The following ARSG variants were observed in gnomAD, a reference collection of about 807,000 sequenced individuals.
ARSG encodes arylsulfatase G, also known as ASG.
Under a neutral mutation model 50.5 loss-of-function variants are expected in ARSG, and 37 were observed. The ratio of observed to expected loss-of-function variants is 0.73; its 90% CI spans 0.56 to 0.96. ARSG has a LOEUF of 0.96. Among genes scored for constraint, ARSG ranks in the 50% least tolerant of loss-of-function variants. ARSG has a pLI of 0.00. For synonymous variants in ARSG, 225 were observed against 254.6 expected (o/e 0.88, Z 1.11); for missense variants, 629 against 675.3 (o/e 0.93, Z 0.76).
chr17:68,271,484 G>A lies in ARSG; in HGVS notation c.-552+12058G>A, dbSNP rs1168203877. 6.2e-7 allele frequency: 1 copy of A among 1,614,034 alleles called. No individual in the cohort carries two copies. The highest frequency in any genetic ancestry group is 8.5e-7 in the Non-Finnish European group (1 of 1,180,046). On this transcript the variant is annotated intron_variant, in intron 1 of 11. Transcript: ENST00000448504. The surrounding 1 kb of genome is among the most constrained non-coding windows in gnomAD (Gnocchi z 5.3). The stretch of plus-strand genomic sequence containing the variant: ...GAGGTTCGTGTTTTCTCATTTTCAA[G>A]CATATACTGCGCTTCTTTCCGATTT...
At chr17:68,276,461 T>A (rs1432363710) in intron 1 of ARSG, among the ~76,000 whole-genome samples, 2 of 152,132 alleles carry the variant, frequency 1.3e-5, no homozygotes, top group Non-Finnish European at 2.9e-5. Context: ...ATTTTTTTTA[T>A]TTTTTGAGAT....
At chr17:68,438,757 C>T in the ARSG span, among the ~76,000 whole-genome samples, 6 of 152,262 alleles carry the variant, frequency 3.9e-5, no homozygotes, top group Middle Eastern at 3.4e-3. Flanking sequence ...TGTGCCACCA[C>T]GCCCAGCTAA....
intron 5 of ARSG, among the ~76,000 whole-genome samples, chr17:68,352,115 C>G (rs62088764): frequency 0.043 from 1,679 of 39,108 alleles, 2 homozygotes; most frequent in Middle Eastern, 0.065. Context: ...GAGAGAGAGA[C>G]AGAGGAGAGA....
At chr17:68,343,839 G>A (rs773802474) in intron 3 of ARSG, 48 bp downstream of exon 3, 26 of 1,545,990 alleles carry the variant, frequency 1.7e-5, no homozygotes, top group Admixed American at 5.8e-5. Context: ...AGTGGCAGCC[G>A]CCTTGTGTTT....
chr17:68,347,200 C>G (rs777269367), intron 4 of ARSG, 28 bp downstream of exon 4: 2 of 1,608,626 alleles, frequency 1.2e-6, no homozygotes, highest in Admixed American at 3.3e-5. Flanking sequence ...GATTTGTTAC[C>G]TGGGAAACAG....
At chr17:68,383,845 T>C (rs1250609322) in intron 8 of ARSG, among the ~76,000 whole-genome samples, 1 of 152,170 alleles carries the variant, frequency 6.6e-6, no homozygotes, top group Non-Finnish European at 1.5e-5. Flanking sequence ...GAGACTCCAG[T>C]TAGATTTTTC....
intron 2 of ARSG, among the ~76,000 whole-genome samples, chr17:68,333,236 G>A (rs1050851451): frequency 2.6e-5 from 4 of 152,182 alleles, no homozygotes; most frequent in African/African-American, 7.2e-5. Flanking sequence ...GTAGGAGAAT[G>A]GCGTGAACGT....
In ARSG at chr17:68,401,427, G is replaced by A. The variant is rs771033496; in HGVS notation, c.1280G>A (p.Arg427His). The A allele has an allele frequency of 2.5e-5, 41 of 1,613,906 alleles. No homozygotes were observed. Among genetic ancestry groups the A allele is most frequent in the South Asian group, 7.7e-5 (7 of 91,084 alleles). The change falls in exon 11 of 12, where the codon CGT becomes CAT. Residue 427 changes from arginine to histidine, a missense_variant. Arg to His is a conservative substitution (Grantham distance 29, BLOSUM62 0). Coordinates refer to ENST00000621439, the MANE Select transcript of ARSG (RefSeq NM_001267727.2). ...FGALQTVRLERYKAFYITGGA... is the reference protein window; with the variant it reads ...FGALQTVRLEHYKAFYITGGA... ...GCCCTGCAGACTGTCCGCCTGGAGC[G>A]TTACAAGGCCTTCTACATTACCGGT...
intron 11 of ARSG, among the ~76,000 whole-genome samples, chr17:68,402,577 T>A (rs1255377291): frequency 1.3e-5 from 2 of 151,804 alleles, no homozygotes; most frequent in Non-Finnish European, 2.9e-5. Flanking sequence ...CAGGCTGGAG[T>A]GCAGTGGCGT....
the ARSG span, chr17:68,433,378 A>C: frequency 4.2e-6 from 5 of 1,202,282 alleles, no homozygotes; most frequent in Non-Finnish European, 2.4e-6. Context: ...TTGGGTGTTC[A>C]GAAAGAAAAG....
intron 11 of ARSG, 27 bp from the exon 12 acceptor site, chr17:68,420,162 A>C (rs1371651606): frequency 6.2e-7 from 1 of 1,610,714 alleles, no homozygotes; most frequent in African/African-American, 1.3e-5. Context: ...AGGGTTAGCG[A>C]GGCATTTGTT....
intron 8 of ARSG, among the ~76,000 whole-genome samples, chr17:68,383,522 G>C (rs150229867): frequency 6.6e-6 from 1 of 152,194 alleles, no homozygotes; most frequent in African/African-American, 2.4e-5. Flanking sequence ...CAGGCTCCCC[G>C]TTTTCACCCA....
At chr17:68,425,329 G>A (rs1261822063), downstream of ARSG, among the ~76,000 whole-genome samples, 4 of 151,756 alleles carry the variant, frequency 2.6e-5, no homozygotes, top group Admixed American at 1.3e-4. Context: ...TCAGCGTCCC[G>A]AATAGCTGGG....
intron 1 of ARSG, among the ~76,000 whole-genome samples, chr17:68,285,117 G>C (rs979902408): frequency 2.0e-5 from 3 of 152,176 alleles, no homozygotes; most frequent in Admixed American, 2.0e-4. Context: ...CATCTGAAAT[G>C]CATCCTATGT....
chr17:68,361,864 C>A (rs1217047588), intron 6 of ARSG, among the ~76,000 whole-genome samples: 1 of 152,018 alleles, frequency 6.6e-6, no homozygotes. Context: ...TGCAGTGAGC[C>A]GAGATCATGC....
At chr17:68,438,786 A>G in the ARSG span, among the ~76,000 whole-genome samples, 1 of 152,178 alleles carries the variant, frequency 6.6e-6, no homozygotes, top group Non-Finnish European at 1.5e-5. Flanking sequence ...TTTTCAGTAG[A>G]GACAGGGTTT....
At chr17:68,305,545 A>G (rs1370860178) in intron 1 of ARSG, among the ~76,000 whole-genome samples, 1 of 152,192 alleles carries the variant, frequency 6.6e-6, no homozygotes, top group Middle Eastern at 3.2e-3. Flanking sequence ...AAGATGCACC[A>G]CTGGTTGAAC....
At chr17:68,334,200 G>T (rs938538966) in intron 2 of ARSG, among the ~76,000 whole-genome samples, 2 of 152,170 alleles carry the variant, frequency 1.3e-5, no homozygotes, top group African/African-American at 2.4e-5. Flanking sequence ...GCCAGGCCAG[G>T]CTTCCAGATG....
At chr17:68,412,883 G>A (rs796429703) in intron 11 of ARSG, among the ~76,000 whole-genome samples, 2,555 of 151,768 alleles carry the variant, frequency 0.017, 79 homozygotes, top group African/African-American at 0.059. Context: ...ATCTTCCATC[G>A]CTGATACCCT....
Sources: allele counts gnomAD v4.1 joint callset (sites outside exome capture counted in the v4.1 genomes callset), GRCh38; gene constraint gnomAD v4.1.1; non-coding constraint Gnocchi (gnomAD v3.1); transcripts MANE v1.5; gene names NCBI Gene and HGNC (gene_info 2026-07-23, HGNC 2026-07-21).